ECPAS: variants seen among roughly 807,000 people sequenced by gnomAD.
ECPAS encodes proteasome adapter and scaffold protein ECM29.
Under a neutral mutation model 255.1 loss-of-function variants are expected in ECPAS, and 70 were observed. The observed-to-expected ratio is 0.27, with a 90% confidence interval of 0.23 to 0.33. The LOEUF is 0.33. ECPAS is among the 10% of genes least tolerant of loss of function. The probability of loss-of-function intolerance (pLI) is 1.00; values close to 1 mark genes in which losing one functional copy is unlikely to be tolerated. For synonymous variants in ECPAS, 784 were observed against 775.0 expected (o/e 1.01, Z -0.19); for missense variants, 1,817 against 2,206.4 (o/e 0.82, Z 3.54).
At chr9:111,482,404 C>T (rs2132145803) in intron 1 of ECPAS, among the ~76,000 whole-genome samples, 1 of 152,302 alleles carries the variant, frequency 6.6e-6, no homozygotes, top group Admixed American at 6.5e-5. Context: ...ACCTATCTGC[C>T]TCACAAGGTT....
chr9:111,467,900 G>A (rs1365921436), intron 2 of ECPAS, among the ~76,000 whole-genome samples: 3 of 152,170 alleles, frequency 2.0e-5, no homozygotes, highest in African/African-American at 7.2e-5. Context: ...GTCACCATGT[G>A]AATGATACAC....
intron 9 of ECPAS, among the ~76,000 whole-genome samples, chr9:111,429,782 C>T (rs1049727139): frequency 6.6e-6 from 1 of 152,192 alleles, no homozygotes; most frequent in Admixed American, 6.5e-5. Context: ...GGCAGGAGCA[C>T]AGCTTAAGCC....
At chr9:111,365,681 AAAAAT>A (rs1284421376) in intron 48 of ECPAS, 3 of 152,490 alleles carry the variant, frequency 2.0e-5, no homozygotes, top group Non-Finnish European at 4.4e-5. Flanking sequence ...AAATAAAAAT[AAAAAT>A]AAAGAACATT....
In ECPAS at chr9:111,410,097, A is replaced by G. The variant is rs1397210809; in HGVS notation, c.2494T>C (p.Leu832=). The change falls in exon 23 of 50, where the codon TTG becomes CTG. Residue 832 remains leucine, a synonymous_variant. Transcript: ENST00000684092. ...CTTAGTAAGCTTTCTACAAGATGCAATTTGGTAAAGCCAGATCCCTCACTG... is the reference window on the plus strand; with the variant it reads ...CTTAGTAAGCTTTCTACAAGATGCAGTTTGGTAAAGCCAGATCCCTCACTG... The part of the protein sequence containing the change: ...IPSEGSGFTK[L]HLVESLLSRI... 6.3e-7 allele frequency: 1 copy of G among 1,598,638 alleles called. No homozygotes were observed. Among genetic ancestry groups the G allele is most frequent in the South Asian group, 1.1e-5 (1 of 88,176 alleles).
chr9:111,469,113 C>T lies in ECPAS; in HGVS notation c.22+3784G>A, dbSNP rs867833652. On this transcript the variant is annotated intron_variant, in intron 2 of 49. Coordinates refer to ENST00000684092, the MANE Select transcript of ECPAS (RefSeq NM_001364929.1). ...ATTAGCTGAGCGTGATGGCAGGCCCCGTAATCCCAGCTATTTGGGAGGCTG... is the reference window on the plus strand; with the variant it reads ...ATTAGCTGAGCGTGATGGCAGGCCCTGTAATCCCAGCTATTTGGGAGGCTG... Among the ~76,000 whole-genome samples the T allele has an allele frequency of 2.0e-5, 3 of 152,272 alleles. No homozygotes were observed. The East Asian group carries it at 5.8e-4, about 29-fold the overall frequency.
chr9:111,417,872 G>A lies in ECPAS; in HGVS notation c.1683+11C>T. On this transcript the variant is annotated intron_variant, in intron 17 of 49. Coordinates refer to ENST00000684092, the MANE Select transcript of ECPAS (RefSeq NM_001364929.1). ...TGATTTAGACTAATTACCTTAAGTT[G>A]CATGCCATACCTTTTCTTGGATGTA... The A allele has an allele frequency of 1.9e-6, 3 of 1,543,492 alleles. No individual in the cohort carries two copies. In the South Asian group the frequency reaches 3.7e-5, roughly 19 times the overall value.
At chr9:111,364,389 C>T (rs1436376830) in intron 48 of ECPAS, among the ~76,000 whole-genome samples, 5 of 152,038 alleles carry the variant, frequency 3.3e-5, no homozygotes, top group African/African-American at 4.8e-5. Flanking sequence ...ACTGGAATAA[C>T]GAATTAGATT....
At chr9:111,390,422 A>G (rs774538447) in intron 29 of ECPAS, among the ~76,000 whole-genome samples, 1 of 152,196 alleles carries the variant, frequency 6.6e-6, no homozygotes, top group Non-Finnish European at 1.5e-5. Flanking sequence ...ATCTCACGTG[A>G]TCATAAGAGA....
chr9:111,405,447 A>G (rs186456166), intron 24 of ECPAS, among the ~76,000 whole-genome samples: 1 of 149,910 alleles, frequency 6.7e-6, no homozygotes, highest in African/African-American at 2.5e-5. Flanking sequence ...CAAGACTACT[A>G]TAAAAAAACA....
At position 111,484,218 on chromosome 9, in the gene ECPAS, C is replaced by G; in HGVS notation, c.-185G>C. Reference sequence around the variant, plus strand: ...GCGGGCCGGGCCCCGGGGAGCCGCGCGCCGCAGTCCGTGAGGGGCTGGGCC... The same window carrying G: ...GCGGGCCGGGCCCCGGGGAGCCGCGGGCCGCAGTCCGTGAGGGGCTGGGCC... On this transcript the variant is annotated 5_prime_UTR_variant, in exon 1 of 50. Coordinates refer to ENST00000684092, the MANE Select transcript of ECPAS (RefSeq NM_001364929.1). 2 of 1,467,422 alleles carry G rather than the reference C, an allele frequency of 1.4e-6. No homozygotes were observed. The highest frequency in any genetic ancestry group is 1.8e-6 in the Non-Finnish European group (2 of 1,113,490). The allele number at this position is 1,467,422 out of a possible 1,614,324, so 90.9% of individuals were successfully genotyped here.
At chr9:111,433,419 G>A (rs772181417) in intron 7 of ECPAS, 47 bp from the exon 8 acceptor site, 4 of 1,605,204 alleles carry the variant, frequency 2.5e-6, no homozygotes, top group Non-Finnish European at 3.4e-6. Context: ...GGGGAGCAAA[G>A]GACACCCACT....
intron 49 of ECPAS, among the ~76,000 whole-genome samples, chr9:111,362,551 G>A (rs2098115009): frequency 1.3e-5 from 2 of 151,022 alleles, no homozygotes; most frequent in East Asian, 1.9e-4. Context: ...GATACGGTCA[G>A]TTAAAAAAAA....
intron 27 of ECPAS, 52 bp downstream of exon 27, chr9:111,393,628 C>T: frequency 8.4e-7 from 1 of 1,195,884 alleles, no homozygotes; most frequent in Non-Finnish European, 1.2e-6. Flanking sequence ...GGTTTTTGAA[C>T]ATTTAAAATA....
In ECPAS at chr9:111,384,575, A is replaced by G. The variant is rs778791801; in HGVS notation, c.3634-6T>C. ...GCCGCTTTTCGTACAGATTCCTAAA[A>G]ATGACAAAAGTGTGACATCATACAA... On this transcript the variant is annotated splice_region_variant and splice_polypyrimidine_tract_variant and intron_variant, in intron 33 of 49. Transcript: ENST00000684092. 1.9e-6 allele frequency: 3 copies of G among 1,613,652 alleles called. No individual in the cohort carries two copies. Among genetic ancestry groups the G allele is most frequent in the Non-Finnish European group, 2.5e-6 (3 of 1,179,632 alleles).
chr9:111,432,767 A>G (rs1044290931), intron 8 of ECPAS, among the ~76,000 whole-genome samples: 5 of 152,162 alleles, frequency 3.3e-5, no homozygotes, highest in African/African-American at 7.2e-5. Context: ...AATATTTTCT[A>G]TAAGTCTATT....
chr9:111,392,974 A>T (rs925379357), intron 27 of ECPAS, 92 bp from the exon 28 acceptor site: 2 of 679,626 alleles, frequency 2.9e-6, no homozygotes, highest in African/African-American at 3.7e-5. Flanking sequence ...GTTGACACTG[A>T]CCCAAAATGA....
At chr9:111,443,814 T>C (rs1266151845) in intron 4 of ECPAS, among the ~76,000 whole-genome samples, 1 of 152,094 alleles carries the variant, frequency 6.6e-6, no homozygotes, top group African/African-American at 2.4e-5. Flanking sequence ...AAAAAAAACA[T>C]CACCTGCCAT....
chr9:111,397,194 T>C (rs780049214), intron 24 of ECPAS, 41 bp from the exon 25 acceptor site: 2 of 1,605,928 alleles, frequency 1.2e-6, no homozygotes, highest in African/African-American at 1.3e-5. Context: ...AGAAAACACA[T>C]TTCCCAAAAA....
intron 12 of ECPAS, among the ~76,000 whole-genome samples, chr9:111,424,977 C>T (rs1239422385): frequency 6.6e-6 from 1 of 152,068 alleles, no homozygotes; most frequent in Non-Finnish European, 1.5e-5. Context: ...CAAGACCAGC[C>T]TGGCCTTGAG....
Sources: allele counts gnomAD v4.1 joint callset (sites outside exome capture counted in the v4.1 genomes callset), GRCh38; gene constraint gnomAD v4.1.1; transcripts MANE v1.5; gene names NCBI Gene and HGNC (gene_info 2026-07-23, HGNC 2026-07-21).